ATOSA: variants seen among roughly 807,000 people sequenced by gnomAD.
ATOSA encodes the protein atos homolog A, also known as atos homolog protein A.
chr15:52,642,744 T>C, the ATOSA span, among the ~76,000 whole-genome samples: 1 of 152,160 alleles, frequency 6.6e-6, no homozygotes, highest in Non-Finnish European at 1.5e-5. Context: ...CTCCTCACCA[T>C]TCCCAGACAG....
At chr15:52,666,689 A>G in the ATOSA span, among the ~76,000 whole-genome samples, 1 of 152,364 alleles carries the variant, frequency 6.6e-6, no homozygotes, top group South Asian at 2.1e-4. Context: ...TCAACACTAA[A>G]CATTTATTGA....
the ATOSA span, among the ~76,000 whole-genome samples, chr15:52,591,130 T>G: frequency 6.6e-6 from 1 of 152,226 alleles, no homozygotes; most frequent in African/African-American, 2.4e-5. Flanking sequence ...ATCAAAGATA[T>G]TTATTTGAGC....
At chr15:52,653,983 A>C in the ATOSA span, among the ~76,000 whole-genome samples, 1 of 152,204 alleles carries the variant, frequency 6.6e-6, no homozygotes, top group Non-Finnish European at 1.5e-5. Flanking sequence ...TACAAGTCAC[A>C]ACTAGAAGTT....
chr15:52,689,349 G>A, the ATOSA span, among the ~76,000 whole-genome samples: 3 of 151,958 alleles, frequency 2.0e-5, no homozygotes, highest in Admixed American at 2.0e-4. Flanking sequence ...GCTCATTTCT[G>A]TCTCTTCATC....
chr15:52,645,164 C>T, the ATOSA span, among the ~76,000 whole-genome samples: 4 of 152,314 alleles, frequency 2.6e-5, no homozygotes, highest in Admixed American at 2.0e-4. Flanking sequence ...TGAGGTCAGG[C>T]GCAGTGGCTC....
At chr15:52,590,455 T>C in the ATOSA span, among the ~76,000 whole-genome samples, 3 of 152,202 alleles carry the variant, frequency 2.0e-5, no homozygotes, top group African/African-American at 4.8e-5. Flanking sequence ...AGGGAATTAT[T>C]TAATGAGAAG....
At chr15:52,621,583 G>T in the ATOSA span, among the ~76,000 whole-genome samples, 1 of 152,106 alleles carries the variant, frequency 6.6e-6, no homozygotes, top group African/African-American at 2.4e-5. Flanking sequence ...TGAACCATGG[G>T]GGTGGGTTTT....
chr15:52,622,383 A>C, the ATOSA span, among the ~76,000 whole-genome samples: 1 of 152,212 alleles, frequency 6.6e-6, no homozygotes. Flanking sequence ...ATTAAGAATT[A>C]GTGCAAGAGG....
the ATOSA span, chr15:52,651,728 C>A: frequency 2.5e-6 from 2 of 793,132 alleles, no homozygotes; most frequent in Non-Finnish European, 4.0e-6. Context: ...TCTCTAAGTT[C>A]AATGGTTTTC....
At chr15:52,635,672 G>A in the ATOSA span, among the ~76,000 whole-genome samples, 7,019 of 151,842 alleles carry the variant, frequency 0.046, 304 homozygotes, top group East Asian at 0.24. Flanking sequence ...CTTCAGCCTG[G>A]GCAACACAGT....
At chr15:52,600,271 G>T in the ATOSA span, 2 of 1,302,532 alleles carry the variant, frequency 1.5e-6, no homozygotes, top group African/African-American at 1.6e-5. Flanking sequence ...GAACACATTA[G>T]CCACAATACT....
chr15:52,611,340 C>CT, the ATOSA span: 10 of 1,515,658 alleles, frequency 6.6e-6, no homozygotes, highest in African/African-American at 1.4e-5. Flanking sequence ...GATCCATAAA[C>CT]TTATCACTCA....
At chr15:52,582,203 T>C in the ATOSA span, 4 of 1,599,236 alleles carry the variant, frequency 2.5e-6, no homozygotes, top group Non-Finnish European at 3.4e-6. Context: ...AGTGTAAGAT[T>C]TGAGTTCATA....
the ATOSA span, among the ~76,000 whole-genome samples, chr15:52,685,346 A>G: frequency 6.6e-6 from 1 of 152,330 alleles, no homozygotes; most frequent in Admixed American, 6.5e-5. Context: ...ACAAAATGGT[A>G]AGGGCACAGC....
the ATOSA span, among the ~76,000 whole-genome samples, chr15:52,700,301 T>A: frequency 6.6e-6 from 1 of 152,194 alleles, no homozygotes; most frequent in Admixed American, 6.5e-5. Context: ...CTAAACCCAC[T>A]TATTGCCTAC....
chr15:52,644,303 T>A, the ATOSA span, among the ~76,000 whole-genome samples: 2 of 152,142 alleles, frequency 1.3e-5, no homozygotes, highest in Non-Finnish European at 2.9e-5. Flanking sequence ...GATTAAAAAA[T>A]TAGGGTAAGA....
chr15:52,669,225 A>G, the ATOSA span, among the ~76,000 whole-genome samples: 2 of 151,990 alleles, frequency 1.3e-5, no homozygotes, highest in Non-Finnish European at 2.9e-5. Context: ...CTGGCCTGAA[A>G]TTTTTAATTA....
chr15:52,661,400 A>G, the ATOSA span, among the ~76,000 whole-genome samples: 1 of 152,260 alleles, frequency 6.6e-6, no homozygotes, highest in African/African-American at 2.4e-5. Flanking sequence ...TACAAAATAC[A>G]GAAAATATTC....
the ATOSA span, among the ~76,000 whole-genome samples, chr15:52,596,040 G>A: frequency 2.6e-5 from 4 of 152,124 alleles, no homozygotes; most frequent in Admixed American, 6.5e-5. Flanking sequence ...CTTCAACCCA[G>A]GAGATCCAGG....
Sources: allele counts gnomAD v4.1 joint callset (sites outside exome capture counted in the v4.1 genomes callset), GRCh38; gene constraint gnomAD v4.1.1; transcripts MANE v1.5; gene names NCBI Gene and HGNC (gene_info 2026-07-23, HGNC 2026-07-21).